The following ERBB4 variants were observed in gnomAD, a reference collection of about 807,000 sequenced individuals.
ERBB4 encodes the protein receptor tyrosine-protein kinase erbB-4.
A neutral mutation model predicts 158.0 loss-of-function variants in ERBB4; 42 were observed. The ratio of observed to expected loss-of-function variants is 0.27; its 90% CI spans 0.21 to 0.34. The LOEUF (loss-of-function observed/expected upper bound fraction) is 0.34, where lower values mean the gene tolerates loss of function less well. Among genes scored for constraint, ERBB4 ranks in the 10% least tolerant of loss-of-function variants. The pLI is 1.00. For synonymous variants in ERBB4, 583 were observed against 558.7 expected (o/e 1.04, Z -0.61); for missense variants, 1,333 against 1,624.1 (o/e 0.82, Z 3.08).
At chr2:212,362,986 C>T (rs13384603) in intron 1 of ERBB4, among the ~76,000 whole-genome samples, 40,461 of 150,630 alleles carry the variant, frequency 0.27, 6,500 homozygotes, top group African/African-American at 0.46. Context: ...ATTTGAAACA[C>T]GAAAAAATAT....
At chr2:212,518,971 A>T (rs938477774) in intron 1 of ERBB4, among the ~76,000 whole-genome samples, 2 of 152,018 alleles carry the variant, frequency 1.3e-5, no homozygotes, top group Non-Finnish European at 2.9e-5. Flanking sequence ...CAAAAAGGAC[A>T]GCTGTTATAT....
intron 2 of ERBB4, among the ~76,000 whole-genome samples, chr2:212,106,602 T>A (rs911734324): frequency 6.6e-6 from 1 of 152,216 alleles, no homozygotes; most frequent in East Asian, 1.9e-4. Context: ...AAAATCTGCA[T>A]AAGTAGCTAG....
chr2:212,485,952 C>T (rs1426272383), intron 1 of ERBB4, among the ~76,000 whole-genome samples: 4 of 151,982 alleles, frequency 2.6e-5, no homozygotes, highest in East Asian at 1.9e-4. Context: ...AATACCACTG[C>T]CTCAGTAATT....
chr2:211,944,223 CA>C (rs2080613377), intron 3 of ERBB4, among the ~76,000 whole-genome samples: 1 of 21,738 alleles, frequency 4.6e-5, no homozygotes, highest in Non-Finnish European at 1.7e-4. Context: ...TACACACACA[CA>C]CAAAAAAAAA....
At chr2:212,022,878 G>A (rs921469814) in intron 2 of ERBB4, among the ~76,000 whole-genome samples, 1 of 152,090 alleles carries the variant, frequency 6.6e-6, no homozygotes, top group African/African-American at 2.4e-5. Context: ...TCATCTTAGT[G>A]AGGATTTATG....
chr2:211,540,478 T>G (rs13389548), intron 20 of ERBB4, among the ~76,000 whole-genome samples: 55 of 152,086 alleles, frequency 3.6e-4, no homozygotes, highest in African/African-American at 1.3e-3. Flanking sequence ...CTGGATAATA[T>G]TTAAGAAGAT....
At chr2:211,933,892 G>C (rs1372445699) in intron 3 of ERBB4, among the ~76,000 whole-genome samples, 1 of 151,912 alleles carries the variant, frequency 6.6e-6, no homozygotes, top group Admixed American at 6.6e-5. Flanking sequence ...TTTAAGTGTA[G>C]TGTATTCTTT....
intron 20 of ERBB4, among the ~76,000 whole-genome samples, chr2:211,438,860 C>A (rs1209355695): frequency 6.6e-6 from 1 of 152,102 alleles, no homozygotes; most frequent in Non-Finnish European, 1.5e-5. Flanking sequence ...GGTTGCAGAG[C>A]TTAAGAACTT....
chr2:212,391,443 TTA>T (rs2090851054), intron 1 of ERBB4, among the ~76,000 whole-genome samples: 1 of 150,846 alleles, frequency 6.6e-6, no homozygotes. Context: ...TTAAAATAAA[TTA>T]TGTTCTCTCA....
intron 3 of ERBB4, among the ~76,000 whole-genome samples, chr2:211,905,738 G>GTATATATATATATA (rs1469524984): frequency 7.8e-4 from 84 of 108,228 alleles, no homozygotes; most frequent in African/African-American, 2.7e-3. Flanking sequence ...GTGTGTGCAT[G>GTATATATATATATA]TGTGTGTATA....
intron 2 of ERBB4, among the ~76,000 whole-genome samples, chr2:212,048,860 C>T (rs1213293994): frequency 6.6e-6 from 1 of 152,044 alleles, no homozygotes; most frequent in Non-Finnish European, 1.5e-5. Context: ...AAAAATATTC[C>T]CCTTAAGCAT....
At chr2:211,867,225 C>T (rs1487179928) in intron 3 of ERBB4, among the ~76,000 whole-genome samples, 1 of 152,032 alleles carries the variant, frequency 6.6e-6, no homozygotes, top group African/African-American at 2.4e-5. Context: ...TTTGTATCTG[C>T]TATTCACTTT....
intron 3 of ERBB4, among the ~76,000 whole-genome samples, chr2:211,923,952 C>A (rs116722102): frequency 0.042 from 6,453 of 152,146 alleles, 208 homozygotes; most frequent in African/African-American, 0.086. Flanking sequence ...GAACTCCTGG[C>A]CTCACTTGAT....
chr2:211,667,852 G>A (rs1000274078), intron 14 of ERBB4, among the ~76,000 whole-genome samples: 1 of 152,148 alleles, frequency 6.6e-6, no homozygotes, highest in Non-Finnish European at 1.5e-5. Flanking sequence ...TAATATTTAA[G>A]TATACTGTAA....
chr2:212,052,889 C>T (rs887031429), intron 2 of ERBB4, among the ~76,000 whole-genome samples: 2 of 152,210 alleles, frequency 1.3e-5, no homozygotes, highest in Non-Finnish European at 2.9e-5. Context: ...TTCTTCTGTT[C>T]TCCCATTTGA....
intron 7 of ERBB4, among the ~76,000 whole-genome samples, chr2:211,719,769 C>T (rs1284227505): frequency 6.6e-5 from 10 of 151,112 alleles, no homozygotes; most frequent in African/African-American, 2.2e-4. Context: ...GCAGGAGAAT[C>T]GCTTGAACCC....
intron 5 of ERBB4, among the ~76,000 whole-genome samples, chr2:211,734,734 C>T (rs2074546164): frequency 6.7e-6 from 1 of 148,578 alleles, no homozygotes; most frequent in Non-Finnish European, 1.5e-5. Context: ...TCCTGGCTAA[C>T]ATGGTGAAAC....
chr2:212,343,017 T>C (rs979573614), intron 1 of ERBB4, among the ~76,000 whole-genome samples: 4 of 152,192 alleles, frequency 2.6e-5, no homozygotes, highest in African/African-American at 4.8e-5. Context: ...TCAATTCAAA[T>C]GATCAACAAT....
chr2:211,585,475 A>T (rs746479446), intron 19 of ERBB4, among the ~76,000 whole-genome samples: 19 of 152,110 alleles, frequency 1.2e-4, no homozygotes, highest in Non-Finnish European at 2.4e-4. Flanking sequence ...ACATTAATTC[A>T]TTGATAATTG....
Sources: allele counts gnomAD v4.1 joint callset (sites outside exome capture counted in the v4.1 genomes callset), GRCh38; gene constraint gnomAD v4.1.1; transcripts MANE v1.5; gene names NCBI Gene and HGNC (gene_info 2026-07-23, HGNC 2026-07-21).